CUX1: variants seen among roughly 807,000 people sequenced by gnomAD.
The protein encoded by CUX1 is protein CASP.
CUX1 carries 31 observed loss-of-function variants against 158.8 expected under a neutral mutation model. That is an observed-to-expected ratio of 0.20 (90% CI 0.15 to 0.26). The LOEUF (loss-of-function observed/expected upper bound fraction) is 0.26. Ranked by LOEUF, CUX1 falls within the 10% of genes least tolerant of loss-of-function variation. CUX1 has a pLI of 1.00. For synonymous variants in CUX1, 879 were observed against 862.1 expected, an observed-to-expected ratio of 1.02 and a Z score of -0.34; for missense variants, 1,589 against 2,014.6, an observed-to-expected ratio of 0.79 and a Z score of 4.04.
At chr7:102,135,511 T>A (rs1488407024) in intron 8 of CUX1, among the ~76,000 whole-genome samples, 9 of 151,904 alleles carry the variant, frequency 5.9e-5, no homozygotes, top group Non-Finnish European at 1.5e-5. Flanking sequence ...AATATTCAAG[T>A]TGAAGTGGAA....
intron 11 of CUX1, among the ~76,000 whole-genome samples, chr7:102,184,729 C>G (rs903601941): frequency 6.6e-6 from 1 of 152,058 alleles, no homozygotes; most frequent in South Asian, 2.1e-4. Flanking sequence ...TCACTGCAGC[C>G]TCAACCTCCA....
intron 1 of CUX1, among the ~76,000 whole-genome samples, chr7:101,818,595 TCAAAACCAAACCC>T (rs1384068076): frequency 6.6e-6 from 1 of 152,164 alleles, no homozygotes. Context: ...TAAGAAGAAA[TCAAAACCAAACCC>T]CAAAACAAAG....
intron 2 of CUX1, chr7:101,960,508 A>C (rs1417905712): frequency 6.6e-6 from 1 of 152,214 alleles, no homozygotes; most frequent in Non-Finnish European, 1.5e-5. Context: ...GGTGGCACAC[A>C]CTTGTGATCC....
chr7:102,119,072 A>G lies in CUX1; in HGVS notation c.674+3799A>G, dbSNP rs28482460. ...GCATGCTAGGTGGTTTTGAAGAGGCAGGAATGGGATGTGTGTGTATAGCAC... is the reference window on the plus strand; with the variant it reads ...GCATGCTAGGTGGTTTTGAAGAGGCGGGAATGGGATGTGTGTGTATAGCAC... On this transcript the variant is annotated intron_variant, in intron 8 of 23. Transcript: ENST00000292535. Among the ~76,000 whole-genome samples the G allele has an allele frequency of 6.8e-3, 1,032 of 152,280 alleles. 7 individuals carry two copies. Among genetic ancestry groups the G allele is most frequent in the African/African-American group, 0.024 (988 of 41,550 alleles).
chr7:101,939,650 A>G (rs1807453027), intron 2 of CUX1, among the ~76,000 whole-genome samples: 1 of 152,030 alleles, frequency 6.6e-6, no homozygotes, highest in Non-Finnish European at 1.5e-5. Flanking sequence ...TGGGCAACAT[A>G]GTGAAACCCC....
chr7:102,023,345 G>A (rs927895245), intron 2 of CUX1, among the ~76,000 whole-genome samples: 1 of 152,210 alleles, frequency 6.6e-6, no homozygotes, highest in African/African-American at 2.4e-5. Context: ...GTGTGCATGA[G>A]GACCAGTAAG....
At chr7:102,055,573 T>C (rs886887149) in intron 3 of CUX1, among the ~76,000 whole-genome samples, 2 of 152,202 alleles carry the variant, frequency 1.3e-5, no homozygotes, top group African/African-American at 4.8e-5. Flanking sequence ...GCAGACTTAA[T>C]TGATAAATAT....
intron 2 of CUX1, among the ~76,000 whole-genome samples, chr7:101,999,217 C>CT (rs3988167): frequency 0.11 from 9,438 of 85,374 alleles, 676 homozygotes; most frequent in Middle Eastern, 0.17. Context: ...TTTTTTTTAC[C>CT]TTTTTTTTTT....
chr7:102,260,778 C>T (rs1286492216), downstream of CUX1, among the ~76,000 whole-genome samples: 4 of 152,010 alleles, frequency 2.6e-5, no homozygotes, highest in Admixed American at 6.6e-5. Flanking sequence ...CAGGGTGGCG[C>T]GACGTGATGA....
At chr7:101,862,990 A>G (rs1032045991) in intron 1 of CUX1, among the ~76,000 whole-genome samples, 1 of 152,160 alleles carries the variant, frequency 6.6e-6, no homozygotes, top group Non-Finnish European at 1.5e-5. Context: ...CTCAGCTTCA[A>G]TAATAATTAT....
rs189906244 is a variant in CUX1 at position 102,053,025 on chromosome 7, G to A, written c.190-17314G>A. 1.6e-4 allele frequency among the ~76,000 whole-genome samples: 25 copies of A among 152,176 alleles called. No homozygotes were observed. In the East Asian group the frequency reaches 4.8e-3, roughly 29 times the overall value. On this transcript the variant is annotated intron_variant, in intron 3 of 23. Coordinates refer to ENST00000292535, the MANE Select transcript of CUX1 (RefSeq NM_181552.4). ...GGGTTTCACCATGTTGGCCAGGCTG[G>A]TCTCGAACTCCTGACCTCAGGTGAT... is the stretch of plus-strand genomic sequence containing the variant.
chr7:101,970,264 A>G (rs1811788409), intron 2 of CUX1, among the ~76,000 whole-genome samples: 1 of 152,168 alleles, frequency 6.6e-6, no homozygotes. Flanking sequence ...GAAATTCACA[A>G]CAGACCTTTC....
rs150723731 is a variant in CUX1 at position 102,176,885 on chromosome 7, T to A, written c.829-1584T>A. Among the ~76,000 whole-genome samples the A allele has an allele frequency of 2.1e-4, 32 of 151,828 alleles. No individual in the cohort carries two copies. The East Asian group carries it at 5.8e-3, about 28-fold the overall frequency. The stretch of plus-strand genomic sequence containing the variant: ...ACAGCACCTGGCCCCGTGATTACTT[T>A]TAAAGGTTGAAAAAAGTACTACTTG... On this transcript the variant is annotated intron_variant, in intron 10 of 23. Transcript: ENST00000292535.
chr7:102,011,481 C>G (rs1407375169), intron 2 of CUX1, among the ~76,000 whole-genome samples: 1 of 152,052 alleles, frequency 6.6e-6, no homozygotes, highest in Non-Finnish European at 1.5e-5. Flanking sequence ...CTCCCAGGTT[C>G]AAGTGATTCT....
chr7:101,863,679 ACT>A (rs1391836248), intron 1 of CUX1, among the ~76,000 whole-genome samples: 3 of 151,468 alleles, frequency 2.0e-5, no homozygotes, highest in Admixed American at 6.6e-5. Context: ...CAAAACTGAA[ACT>A]CTGCACCCAT....
chr7:102,189,389 T>C (rs535577717), intron 11 of CUX1, among the ~76,000 whole-genome samples: 2 of 118,154 alleles, frequency 1.7e-5, no homozygotes, highest in Admixed American at 1.6e-4. Flanking sequence ...TTTTTTTTTT[T>C]TTTTTTAAAA....
At position 101,958,699 on chromosome 7, in the gene CUX1, C is replaced by G. The variant is rs530904675; in HGVS notation, c.141+42474C>G. On this transcript the variant is annotated intron_variant, in intron 2 of 23. Coordinates refer to ENST00000292535, the MANE Select transcript of CUX1 (RefSeq NM_181552.4). ...TTCACCATGTTGGCCAGGCTGGTCT[C>G]AAACTCCTGGGCTTAAGCAGTCTGC... Among the ~76,000 whole-genome samples, 4 of 151,732 alleles carry G rather than the reference C, an allele frequency of 2.6e-5. No individual in the cohort carries two copies. In the East Asian group the frequency reaches 5.8e-4, roughly 22 times the overall value.
At chr7:101,834,036 T>C (rs1189190059) in intron 1 of CUX1, among the ~76,000 whole-genome samples, 1 of 152,140 alleles carries the variant, frequency 6.6e-6, no homozygotes, top group Non-Finnish European at 1.5e-5. Context: ...CCCAGACTTC[T>C]GTTGTCACGA....
intron 10 of CUX1, among the ~76,000 whole-genome samples, chr7:102,178,190 T>C (rs886208314): frequency 6.6e-6 from 1 of 152,134 alleles, no homozygotes; most frequent in Non-Finnish European, 1.5e-5. Flanking sequence ...GCGTGAGCCA[T>C]TGCACCCAGC....
Sources: allele counts gnomAD v4.1 joint callset (sites outside exome capture counted in the v4.1 genomes callset), GRCh38; gene constraint gnomAD v4.1.1; transcripts MANE v1.5; gene names NCBI Gene and HGNC (gene_info 2026-07-23, HGNC 2026-07-21).